The following PHACTR1 variants were observed in gnomAD, a reference collection of about 807,000 sequenced individuals.
PHACTR1 encodes the protein RPEL repeat containing 1.
Under a neutral mutation model 69.2 loss-of-function variants are expected in PHACTR1, and 16 were observed. That is an observed-to-expected ratio of 0.23 (90% CI 0.16 to 0.35). The LOEUF (loss-of-function observed/expected upper bound fraction) is 0.35. Among genes scored for constraint, PHACTR1 ranks in the 10% least tolerant of loss-of-function variants. The pLI is 1.00. For missense variants in PHACTR1, 510 were observed against 734.7 expected (o/e 0.69, Z 3.54); for synonymous variants, 312 against 284.5 (o/e 1.10, Z -0.97).
At chr6:12,942,316 G>A (rs984710192) in intron 4 of PHACTR1, among the ~76,000 whole-genome samples, 8 of 152,124 alleles carry the variant, frequency 5.3e-5, no homozygotes, top group South Asian at 2.1e-4. Context: ...ACACCACAGG[G>A]ATATCAAGTA....
At chr6:13,269,143 G>C (rs1305629247) in intron 10 of PHACTR1, among the ~76,000 whole-genome samples, 1 of 151,932 alleles carries the variant, frequency 6.6e-6, no homozygotes, top group East Asian at 1.9e-4. Context: ...TCCAAATGTA[G>C]GCGCCACCCA....
At chr6:12,780,849 C>T (rs956724851) in intron 4 of PHACTR1, among the ~76,000 whole-genome samples, 1 of 152,190 alleles carries the variant, frequency 6.6e-6, no homozygotes, top group African/African-American at 2.4e-5. Context: ...CATGCTTCAT[C>T]TTTGTCAGCC....
At chr6:13,212,822 T>C (rs1280416556) in intron 8 of PHACTR1, among the ~76,000 whole-genome samples, 1 of 152,106 alleles carries the variant, frequency 6.6e-6, no homozygotes, top group Non-Finnish European at 1.5e-5. Context: ...GCTCCTACAC[T>C]CACCTGCCTC....
At chr6:13,183,481 A>G (rs1183356907) in intron 7 of PHACTR1, among the ~76,000 whole-genome samples, 2 of 152,148 alleles carry the variant, frequency 1.3e-5, no homozygotes, top group African/African-American at 4.8e-5. Context: ...GTTAATTCCC[A>G]TGCTTCGTTA....
At chr6:12,893,065 G>T (rs780244116) in intron 4 of PHACTR1, among the ~76,000 whole-genome samples, 1 of 152,178 alleles carries the variant, frequency 6.6e-6, no homozygotes, top group Non-Finnish European at 1.5e-5. Context: ...AAAGTAAAGT[G>T]GCTGAAGGTG....
intron 4 of PHACTR1, among the ~76,000 whole-genome samples, chr6:12,958,598 A>G (rs1251974917): frequency 6.6e-6 from 1 of 152,230 alleles, no homozygotes; most frequent in Non-Finnish European, 1.5e-5. Context: ...CTCAGCATGA[A>G]TAAGAAATGC....
chr6:12,897,843 T>C (rs1784820955), intron 4 of PHACTR1, among the ~76,000 whole-genome samples: 1 of 152,124 alleles, frequency 6.6e-6, no homozygotes, highest in Admixed American at 6.6e-5. Flanking sequence ...TAGGTATTTC[T>C]CCTAATGTGC....
rs558204426 is a variant in PHACTR1 at position 13,260,913 on chromosome 6, C to T, written c.1392-11947C>T. On this transcript the variant is annotated intron_variant, in intron 10 of 14. Coordinates refer to ENST00000332995, the MANE Select transcript of PHACTR1 (RefSeq NM_030948.6). Reference sequence around the variant, plus strand: ...CAAGAATTGATTCAGTAGAGCAAGGCTTCTCAACCTAAGCACTGTTGATGC... The same window carrying T: ...CAAGAATTGATTCAGTAGAGCAAGGTTTCTCAACCTAAGCACTGTTGATGC... Among the ~76,000 whole-genome samples the T allele has an allele frequency of 3.9e-5, 6 of 152,334 alleles. No homozygotes were observed. In the South Asian group the frequency reaches 1.2e-3, roughly 32 times the overall value.
At chr6:12,811,652 C>T (rs1775024374) in intron 4 of PHACTR1, among the ~76,000 whole-genome samples, 1 of 152,198 alleles carries the variant, frequency 6.6e-6, no homozygotes. Context: ...AGGCTGTTAG[C>T]CCAAATACAT....
chr6:13,119,491 G>A (rs148150818), intron 5 of PHACTR1, among the ~76,000 whole-genome samples: 3 of 152,304 alleles, frequency 2.0e-5, no homozygotes, highest in African/African-American at 4.8e-5. Flanking sequence ...TGTATGGGGA[G>A]TGCTGAGGCT....
chr6:12,766,513 A>G (rs931980033), intron 4 of PHACTR1, among the ~76,000 whole-genome samples: 2 of 152,150 alleles, frequency 1.3e-5, no homozygotes, highest in East Asian at 3.9e-4. Context: ...GGTTCATGAG[A>G]GCTGACTGTG....
At chr6:12,806,015 C>G (rs191591135) in intron 4 of PHACTR1, among the ~76,000 whole-genome samples, 30 of 152,318 alleles carry the variant, frequency 2.0e-4, no homozygotes, top group African/African-American at 6.3e-4. Context: ...CTCCCACTTC[C>G]CAAATCCCAA....
intron 5 of PHACTR1, among the ~76,000 whole-genome samples, chr6:13,159,134 T>G (rs1442828835): frequency 6.6e-6 from 1 of 152,202 alleles, no homozygotes; most frequent in Non-Finnish European, 1.5e-5. Context: ...GCACACCCAC[T>G]GTTACCTCTT....
intron 4 of PHACTR1, among the ~76,000 whole-genome samples, chr6:12,784,571 A>G (rs1271299201): frequency 2.6e-5 from 4 of 151,388 alleles, no homozygotes; most frequent in Non-Finnish European, 5.9e-5. Context: ...ACACATATAC[A>G]TGATATATAC....
At chr6:13,030,381 C>G (rs528244500) in intron 4 of PHACTR1, among the ~76,000 whole-genome samples, 1 of 151,936 alleles carries the variant, frequency 6.6e-6, no homozygotes, top group Non-Finnish European at 1.5e-5. Context: ...TTATAGCTAA[C>G]GGGGAGGAAG....
At chr6:12,934,139 G>C (rs1050116393) in intron 4 of PHACTR1, 9 of 620,498 alleles carry the variant, frequency 1.5e-5, no homozygotes, top group Non-Finnish European at 1.8e-5. Flanking sequence ...GGCAATCCTT[G>C]GTGTTAACTG....
At chr6:12,960,936 A>G (rs1330449199) in intron 4 of PHACTR1, among the ~76,000 whole-genome samples, 1 of 152,338 alleles carries the variant, frequency 6.6e-6, no homozygotes, top group East Asian at 1.9e-4. Context: ...TCATAAAGCA[A>G]ACTCCTGATC....
At chr6:13,104,961 T>G (rs75374233) in intron 5 of PHACTR1, among the ~76,000 whole-genome samples, 1,996 of 152,366 alleles carry the variant, frequency 0.013, 45 homozygotes, top group African/African-American at 0.045. Flanking sequence ...ATTTATAAAC[T>G]AATCTACTCT....
chr6:12,821,462 CAAAAA>C (rs71552718), intron 4 of PHACTR1, among the ~76,000 whole-genome samples: 4 of 80,942 alleles, frequency 4.9e-5, no homozygotes, highest in South Asian at 5.2e-4. Flanking sequence ...GATTTCACAT[CAAAAA>C]AAAAAAAAAA....
Sources: allele counts gnomAD v4.1 joint callset (sites outside exome capture counted in the v4.1 genomes callset), GRCh38; gene constraint gnomAD v4.1.1; transcripts MANE v1.5; gene names NCBI Gene and HGNC (gene_info 2026-07-23, HGNC 2026-07-21).